IFT122: variants seen among roughly 807,000 people sequenced by gnomAD.
The protein encoded by IFT122 is intraflagellar transport 122, also known as intraflagellar transport protein 122 homolog.
In IFT122, 118 loss-of-function variants were observed where a neutral mutation model predicts 161.6. The ratio of observed to expected loss-of-function variants is 0.73; its 90% CI spans 0.63 to 0.85. The LOEUF (loss-of-function observed/expected upper bound fraction) is 0.85, where lower values mean the gene tolerates loss of function less well. Ranked by LOEUF, IFT122 falls within the 40% of genes least tolerant of loss-of-function variation. The pLI is 0.00. For missense variants in IFT122, 1,381 were observed against 1,579.6 expected (o/e 0.87, Z 2.13); for synonymous variants, 550 against 602.4 (o/e 0.91, Z 1.27).
intron 21 of IFT122, among the ~76,000 whole-genome samples, chr3:129,504,742 T>C (rs557926018): frequency 6.6e-6 from 1 of 152,306 alleles, no homozygotes; most frequent in African/African-American, 2.4e-5. Context: ...AGCCCTATGG[T>C]ATAGCTACCA....
At chr3:129,486,987 T>A (rs2079364760) in intron 15 of IFT122, among the ~76,000 whole-genome samples, 1 of 152,178 alleles carries the variant, frequency 6.6e-6, no homozygotes, top group Non-Finnish European at 1.5e-5. Context: ...AGCAGCCATG[T>A]TTTGCTCTGA....
intron 14 of IFT122, 26 bp downstream of exon 14, chr3:129,481,720 A>G: frequency 6.2e-7 from 1 of 1,612,202 alleles, no homozygotes; most frequent in Non-Finnish European, 8.5e-7. Flanking sequence ...GGGCCCAGGG[A>G]CATCATCCTT....
At chr3:129,514,883 G>A (rs2108652677) in intron 25 of IFT122, 1 of 470,410 alleles carries the variant, frequency 2.1e-6, no homozygotes, top group East Asian at 4.2e-5. Flanking sequence ...TGGCCCCAGA[G>A]CTGACTCTTA....
chr3:129,495,664 G>A (rs554141486), intron 18 of IFT122, 57 bp downstream of exon 18: 847 of 1,590,156 alleles, frequency 5.3e-4, no homozygotes, highest in Non-Finnish European at 6.8e-4. Context: ...GTATTCTCAC[G>A]TGCGGTGTCC....
At chr3:129,461,659 G>A (rs1559870331) in intron 5 of IFT122, among the ~76,000 whole-genome samples, 1 of 152,194 alleles carries the variant, frequency 6.6e-6, no homozygotes, top group African/African-American at 2.4e-5. Flanking sequence ...CAGAGACAGT[G>A]CAGTTGTCCT....
intron 3 of IFT122, among the ~76,000 whole-genome samples, chr3:129,454,513 TTGTGTGTGTGTGTGTGTGTGTGTGTG>T (rs61557048): frequency 7.6e-6 from 1 of 131,224 alleles, no homozygotes; most frequent in Non-Finnish European, 1.6e-5. Context: ...GTAGTCATAT[TTGTGTGTGTGTGTGTGTGTGTGTGTG>T]TGTGTGTGTG....
At chr3:129,482,158 T>C (rs1312078860) in intron 14 of IFT122, among the ~76,000 whole-genome samples, 6 of 152,194 alleles carry the variant, frequency 3.9e-5, no homozygotes, top group Admixed American at 3.3e-4. Flanking sequence ...GGGAAGGGGA[T>C]GGGCAAGCCT....
chr3:129,466,362 A>G (rs2076771699), intron 7 of IFT122, among the ~76,000 whole-genome samples: 1 of 151,906 alleles, frequency 6.6e-6, no homozygotes, highest in Non-Finnish European at 1.5e-5. Flanking sequence ...CTGCTGTTTG[A>G]TTTGTGGCTG....
chr3:129,491,953 C>G (rs1464319965), intron 16 of IFT122, among the ~76,000 whole-genome samples, 188 bp from the exon 17 acceptor site: 1 of 152,086 alleles, frequency 6.6e-6, no homozygotes, highest in Admixed American at 6.5e-5. Flanking sequence ...TGGTCCAATC[C>G]CATGGATAAA....
intron 17 of IFT122, among the ~76,000 whole-genome samples, chr3:129,492,737 A>G (rs1483041763): frequency 6.6e-6 from 1 of 151,722 alleles, no homozygotes; most frequent in Non-Finnish European, 1.5e-5. Context: ...TCCAAACCCA[A>G]TAGGCCTGCA....
At chr3:129,497,128 A>G (rs1167612518) in intron 18 of IFT122, among the ~76,000 whole-genome samples, 1 of 152,164 alleles carries the variant, frequency 6.6e-6, no homozygotes, top group Non-Finnish European at 1.5e-5. Flanking sequence ...CAAAAATGCA[A>G]AAAATTAGCT....
intron 1 of IFT122, among the ~76,000 whole-genome samples, chr3:129,446,605 T>C (rs990768016): frequency 6.6e-6 from 1 of 152,190 alleles, no homozygotes; most frequent in Admixed American, 6.5e-5. Flanking sequence ...AGTTGTTCCA[T>C]CTTTCTGGAC....
At chr3:129,514,841 G>T in intron 25 of IFT122, 1 of 532,270 alleles carries the variant, frequency 1.9e-6, no homozygotes, top group Non-Finnish European at 3.4e-6. Flanking sequence ...CCACACCTCT[G>T]TGCCCAGGTG....
At chr3:129,460,826 G>A (rs2076136538) in intron 4 of IFT122, 9 of 1,585,228 alleles carry the variant, frequency 5.7e-6, no homozygotes, top group Non-Finnish European at 7.8e-6. Context: ...AGCTTTCATT[G>A]TTGTCTAAGG....
intron 14 of IFT122, among the ~76,000 whole-genome samples, chr3:129,483,258 C>T (rs555441218): frequency 6.6e-6 from 1 of 152,162 alleles, no homozygotes; most frequent in Admixed American, 6.5e-5. Context: ...GTAATACTTG[C>T]TTACTCAAAA....
In IFT122 at chr3:129,488,289, A is replaced by G. The variant is rs777051654; in HGVS notation, c.1884A>G (p.Lys628=). Residue 628 remains lysine, a synonymous_variant, in exon 16 of 30, where the codon AAA becomes AAG. Transcript: ENST00000348417. ...CCATGTACCAGTACCTGGATAGGAAACTGTTCAAGGAAGCCTACCAGATTG... is the reference window on the plus strand; with the variant it reads ...CCATGTACCAGTACCTGGATAGGAAGCTGTTCAAGGAAGCCTACCAGATTG... ...SAPMYQYLDR[K]LFKEAYQIAC... is the part of the protein sequence containing the mutation. 1 of 1,614,178 alleles carries G rather than the reference A, an allele frequency of 6.2e-7. No homozygotes were observed. Among genetic ancestry groups the G allele is most frequent in the Admixed American group, 1.7e-5 (1 of 60,028 alleles).
At chr3:129,449,248 T>C (rs943072426) in intron 1 of IFT122, among the ~76,000 whole-genome samples, 3 of 152,256 alleles carry the variant, frequency 2.0e-5, no homozygotes, top group East Asian at 3.8e-4. Context: ...TAATAGGTCA[T>C]TGATTATAAA....
intron 1 of IFT122, 120 bp downstream of exon 1, chr3:129,440,491 C>G (rs2072842195): frequency 8.1e-7 from 1 of 1,236,012 alleles, no homozygotes; most frequent in South Asian, 1.3e-5. Flanking sequence ...GGCACTGAAC[C>G]CCGGCCTGGG....
chr3:129,493,736 T>C (rs1419212069), intron 17 of IFT122, among the ~76,000 whole-genome samples: 2 of 152,234 alleles, frequency 1.3e-5, no homozygotes, highest in African/African-American at 4.8e-5. Flanking sequence ...TGACTTTCAC[T>C]TGTAAATCCA....
Sources: allele counts gnomAD v4.1 joint callset (sites outside exome capture counted in the v4.1 genomes callset), GRCh38; gene constraint gnomAD v4.1.1; transcripts MANE v1.5; gene names NCBI Gene and HGNC (gene_info 2026-07-23, HGNC 2026-07-21).